Variants in SECISBP2 observed in about 807,000 individuals in gnomAD.
SECISBP2 encodes the protein SECIS binding protein 2.
Under a neutral mutation model 98.2 loss-of-function variants are expected in SECISBP2, and 96 were observed. That is an observed-to-expected ratio of 0.98 (90% CI 0.83 to 1.16). The LOEUF (loss-of-function observed/expected upper bound fraction) is 1.16. Among genes scored for constraint, SECISBP2 ranks in the 50% most tolerant of loss-of-function variants. The probability of loss-of-function intolerance (pLI) is 0.00; values close to 1 mark genes in which losing one functional copy is unlikely to be tolerated. For synonymous variants in SECISBP2, 407 were observed against 370.2 expected (o/e 1.10, Z -1.14); for missense variants, 1,046 against 1,022.9 (o/e 1.02, Z -0.31).
chr9:89,323,930 C>T (rs1176300445), intron 2 of SECISBP2: 5 of 152,218 alleles, frequency 3.3e-5, no homozygotes, highest in African/African-American at 1.2e-4. Context: ...GGACCCCAAC[C>T]AAGGTCTCCT....
chr9:89,357,316 G>A, intron 14 of SECISBP2, 95 bp from the exon 15 acceptor site: 1 of 1,296,346 alleles, frequency 7.7e-7, no homozygotes, highest in Non-Finnish European at 1.1e-6. Flanking sequence ...AATCATAGAT[G>A]GGTGTGTTGC....
intron 14 of SECISBP2, chr9:89,356,838 C>G (rs1046596924): frequency 6.0e-6 from 1 of 166,212 alleles, no homozygotes; most frequent in Non-Finnish European, 1.3e-5. Flanking sequence ...TTGTGCCACA[C>G]CCCCTCATGT....
intron 1 of SECISBP2, 84 bp from the exon 2 acceptor site, chr9:89,319,568 A>G: frequency 6.7e-7 from 1 of 1,486,898 alleles, no homozygotes; most frequent in Admixed American, 1.7e-5. Context: ...TGGGGCTATT[A>G]GGAACACCTC....
rs1296621951 is a variant in SECISBP2 at position 89,319,706 on chromosome 9, A to G, written c.91A>G (p.Asn31Asp). ...KPFVPRFAGL[N>D]VAWLESSEAC... ...ATTTGTCCCCAGATTTGCCGGGCTC[A>G]ATGTGGCATGGTTAGAGTCCTCAGA... The change falls in exon 2 of 17, where the codon AAT becomes GAT. Residue 31 changes from asparagine (N) to aspartate (D), a missense_variant. Transcript: ENST00000375807. The G allele has an allele frequency of 1.2e-6, 2 of 1,614,158 alleles. No homozygotes were observed. Among genetic ancestry groups the G allele is most frequent in the South Asian group, 1.1e-5 (1 of 91,082 alleles).
intron 11 of SECISBP2, among the ~76,000 whole-genome samples, chr9:89,347,722 T>C (rs1830637893): frequency 6.6e-6 from 1 of 152,210 alleles, no homozygotes; most frequent in Non-Finnish European, 1.5e-5. Flanking sequence ...CCTCAGGTGA[T>C]GCACCTCCCA....
rs751179748 is a variant in SECISBP2, at chr9:89,325,437, T to A, written c.193T>A (p.Tyr65Asn). The A allele has an allele frequency of 1.2e-6, 2 of 1,613,870 alleles. No homozygotes were observed. The highest frequency in any genetic ancestry group is 1.7e-6 in the Non-Finnish European group (2 of 1,179,918). ...QEPPVTEQKI[Y>N]TEDMAFGAST... ...ACACTTTTTACTTAGGCAGAAAATA[T>A]ATACTGAAGACATGGCCTTTGGAGC... Residue 65 changes from tyrosine (Y) to asparagine (N), a missense_variant, in exon 3 of 17, where the codon TAT becomes AAT. Tyr to Asn is a moderately radical substitution (Grantham distance 143). Coordinates refer to ENST00000375807, the MANE Select transcript of SECISBP2 (RefSeq NM_024077.5).
chr9:89,324,827 G>A (rs1458354963), intron 2 of SECISBP2: 1 of 153,262 alleles, frequency 6.5e-6, no homozygotes, highest in African/African-American at 2.4e-5. Flanking sequence ...AGAAAAATTA[G>A]TGTTAAATTA....
At chr9:89,362,599 C>T (rs1459709702), downstream of SECISBP2, among the ~76,000 whole-genome samples, 1 of 152,226 alleles carries the variant, frequency 6.6e-6, no homozygotes, top group Non-Finnish European at 1.5e-5. Flanking sequence ...GTGGTTCTCC[C>T]ATATGTGACA....
At chr9:89,341,167 C>T (rs778979032) in intron 9 of SECISBP2, among the ~76,000 whole-genome samples, 180 bp from the exon 10 acceptor site, 3 of 152,170 alleles carry the variant, frequency 2.0e-5, no homozygotes, top group Non-Finnish European at 4.4e-5. Flanking sequence ...ACATAAACAA[C>T]CATGGTAATA....
At chr9:89,344,401 G>A (rs1460699161) in intron 10 of SECISBP2, among the ~76,000 whole-genome samples, 2 of 152,164 alleles carry the variant, frequency 1.3e-5, no homozygotes, top group African/African-American at 4.8e-5. Flanking sequence ...TGTCCAAAAT[G>A]GTATTGCCTG....
intron 12 of SECISBP2, among the ~76,000 whole-genome samples, chr9:89,348,718 C>T (rs1212771191): frequency 1.3e-5 from 2 of 152,270 alleles, no homozygotes; most frequent in African/African-American, 2.4e-5. Context: ...CTTGTGCCCT[C>T]TTGTCAGAGG....
chr9:89,328,972 T>G lies in SECISBP2; in HGVS notation c.801+86T>G, dbSNP rs956619465. 4.6e-6 allele frequency: 5 copies of G among 1,093,040 alleles called. No homozygotes were observed. The Admixed American group carries it at 6.0e-5, about 13-fold the overall frequency. The allele number at this position is 1,093,040 out of a possible 1,614,324, so 67.7% of individuals were successfully genotyped here. A position where few individuals can be genotyped will look rare whatever the true frequency, so the allele number is the denominator to read the frequency against. Reference sequence around the variant, plus strand: ...AAACATTACACATTAAATCTTGCTGTGGGCTTTGATGTCCATGGAGCTGGG... The same window carrying G: ...AAACATTACACATTAAATCTTGCTGGGGGCTTTGATGTCCATGGAGCTGGG... On this transcript the variant is annotated intron_variant, in intron 5 of 16. Transcript: ENST00000375807.
At chr9:89,362,822 G>A (rs893849062), downstream of SECISBP2, among the ~76,000 whole-genome samples, 1 of 144,138 alleles carries the variant, frequency 6.9e-6, no homozygotes, top group Admixed American at 7.6e-5. Context: ...CACCGCAGGT[G>A]GTAGCACACA....
chr9:89,343,273 GAT>G (rs1197380479), intron 10 of SECISBP2, among the ~76,000 whole-genome samples: 3 of 152,158 alleles, frequency 2.0e-5, no homozygotes, highest in Non-Finnish European at 4.4e-5. Context: ...TAGGCTTTTA[GAT>G]ATGTTTCTTC....
chr9:89,341,713 G>A (rs1443363094), intron 10 of SECISBP2, among the ~76,000 whole-genome samples: 2 of 152,180 alleles, frequency 1.3e-5, no homozygotes, highest in East Asian at 1.9e-4. Context: ...ACAAAGAACA[G>A]TCTCTTTAAA....
chr9:89,328,836 G>A lies in SECISBP2; in HGVS notation c.751G>A (p.Asp251Asn), dbSNP rs768996103. ...KWGPVHSVSTDISLLREVVKP... is the reference protein window; with the variant it reads ...KWGPVHSVSTNISLLREVVKP... ...GGGACCTGTCCACTCTGTCTCTACC[G>A]ACATTTCTCTTCTAAGAGAAGTAGT... Residue 251 changes from aspartate (D) to asparagine (N), a missense_variant, in exon 5 of 17, where the codon GAC becomes AAC. Transcript: ENST00000375807. 18 of 1,614,042 alleles carry A rather than the reference G, an allele frequency of 1.1e-5. No individual in the cohort carries two copies. The highest frequency in any genetic ancestry group is 1.4e-5 in the Non-Finnish European group (17 of 1,180,042).
intron 14 of SECISBP2, among the ~76,000 whole-genome samples, chr9:89,353,565 G>A (rs911498360): frequency 1.3e-5 from 2 of 152,110 alleles, no homozygotes; most frequent in Admixed American, 6.5e-5. Flanking sequence ...GCCTATTCCC[G>A]ACCTTTGGGG....
At chr9:89,347,155 T>C (rs1351017279) in intron 11 of SECISBP2, 107 bp downstream of exon 11, 1 of 1,134,142 alleles carries the variant, frequency 8.8e-7, no homozygotes, top group African/African-American at 1.5e-5. Context: ...CTTGTATTAC[T>C]TGAATATGTT....
intron 9 of SECISBP2, 105 bp from the exon 10 acceptor site, chr9:89,341,242 T>C: frequency 2.7e-6 from 3 of 1,131,266 alleles, no homozygotes; most frequent in Non-Finnish European, 2.5e-6. Flanking sequence ...AATTCTTTTT[T>C]ATAGTCTCAA....
Sources: gnomAD v4.1 joint callset for allele counts (sites outside exome capture counted in the v4.1 genomes callset) on GRCh38, gnomAD v4.1.1 for gene constraint, MANE v1.5 for transcripts, NCBI Gene and HGNC (gene_info 2026-07-23, HGNC 2026-07-21) for gene names.